The following EXOSC9 variants were observed in gnomAD, a reference collection of about 807,000 sequenced individuals.
EXOSC9 encodes exosome component 9, also known as exosome complex component RRP45.
EXOSC9 carries 38 observed loss-of-function variants against 56.5 expected under a neutral mutation model. That is an observed-to-expected ratio of 0.67 (90% CI 0.52 to 0.88). The LOEUF is 0.88. EXOSC9 is among the 40% of genes least tolerant of loss of function. The pLI is 0.00. For missense variants in EXOSC9, 559 were observed against 530.5 expected (o/e 1.05, Z -0.53); for synonymous variants, 170 against 170.8 (o/e 0.99, Z 0.04).
chr4:121,805,118 T>C (rs1176973927), intron 5 of EXOSC9, among the ~76,000 whole-genome samples: 1 of 152,170 alleles, frequency 6.6e-6, no homozygotes, highest in African/African-American at 2.4e-5. Flanking sequence ...AGGCATGCAA[T>C]AGCTGAAAAG....
chr4:121,803,664 C>G (rs1457707637), intron 4 of EXOSC9, among the ~76,000 whole-genome samples: 1 of 152,120 alleles, frequency 6.6e-6, no homozygotes, highest in Non-Finnish European at 1.5e-5. Flanking sequence ...CTCAGCTTTC[C>G]GAGCAGCTGG....
chr4:121,810,302 T>C (rs1048331471), intron 7 of EXOSC9, among the ~76,000 whole-genome samples: 3 of 152,008 alleles, frequency 2.0e-5, no homozygotes, highest in African/African-American at 7.3e-5. Context: ...ACCTTGGTGC[T>C]CCCGTGTCTG....
intron 10 of EXOSC9, chr4:121,815,445 A>G (rs1724461224): frequency 1.0e-6 from 1 of 985,318 alleles, no homozygotes. Flanking sequence ...TTCCTAAAGC[A>G]TGTGAACAAA....
rs192234821 is a variant in EXOSC9, at chr4:121,811,078, C to A, written c.739-505C>A. Among the ~76,000 whole-genome samples, 10 of 152,282 alleles carry A rather than the reference C, an allele frequency of 6.6e-5. No individual in the cohort carries two copies. In the East Asian group the frequency reaches 1.9e-3, roughly 29 times the overall value. On this transcript the variant is annotated intron_variant, in intron 7 of 11. Transcript: ENST00000243498. ...AATTCTAGTTCTGCCCCCATACTAGCTGATCTTGGGCAAATGATTTTATAT... is the reference window on the plus strand; with the variant it reads ...AATTCTAGTTCTGCCCCCATACTAGATGATCTTGGGCAAATGATTTTATAT...
chr4:121,812,416 T>G (rs991711260), intron 8 of EXOSC9, among the ~76,000 whole-genome samples: 21 of 152,330 alleles, frequency 1.4e-4, no homozygotes, highest in African/African-American at 4.8e-4. Flanking sequence ...ATTTAATGTG[T>G]TTTTAGAAAA....
intron 6 of EXOSC9, 188 bp from the exon 7 acceptor site, chr4:121,809,779 G>A (rs1001262839): frequency 1.0e-5 from 6 of 602,816 alleles, no homozygotes; most frequent in East Asian, 5.6e-5. Flanking sequence ...TACCCACTTA[G>A]CATTCATTTG....
At chr4:121,802,432 ATC>A (rs1458498023) in intron 2 of EXOSC9, among the ~76,000 whole-genome samples, 1 of 152,224 alleles carries the variant, frequency 6.6e-6, no homozygotes, top group Non-Finnish European at 1.5e-5. Flanking sequence ...TTTTAAAACA[ATC>A]TGTGGAATAG....
At chr4:121,815,710 T>C in intron 10 of EXOSC9, 6 of 986,518 alleles carry the variant, frequency 6.1e-6, no homozygotes, top group Non-Finnish European at 7.2e-6. Flanking sequence ...GCCAAAGGTA[T>C]ATGGGAAATG....
At chr4:121,805,576 A>ACAGTAGAGGTAATATTCTTT (rs1726993868) in intron 5 of EXOSC9, among the ~76,000 whole-genome samples, 2 of 152,194 alleles carry the variant, frequency 1.3e-5, no homozygotes, top group East Asian at 1.9e-4. Flanking sequence ...AGGTTTATTA[A>ACAGTAGAGGTAATATTCTTT]CAGTAGAGGT....
intron 11 of EXOSC9, 50 bp downstream of exon 11, chr4:121,816,497 T>C (rs572070376): frequency 5.0e-5 from 60 of 1,208,430 alleles, no homozygotes; most frequent in South Asian, 2.4e-4. Context: ...TCAACACTTA[T>C]AGAGGTTTGC....
chr4:121,813,849 T>G lies in EXOSC9; in HGVS notation c.975-17T>G. On this transcript the variant is annotated splice_polypyrimidine_tract_variant and intron_variant, in intron 9 of 11. Coordinates refer to ENST00000243498, the MANE Select transcript of EXOSC9 (RefSeq NM_005033.3). ...AATAGCAATATTTTTGTTACTCAGTTTTCTTAACTTGTTAAGTGTTTCTAC... is the reference window on the plus strand; with the variant it reads ...AATAGCAATATTTTTGTTACTCAGTGTTCTTAACTTGTTAAGTGTTTCTAC... The G allele has an allele frequency of 6.4e-7, 1 of 1,572,642 alleles. No homozygotes were observed. The highest frequency in any genetic ancestry group is 2.2e-5 in the East Asian group (1 of 44,502).
chr4:121,807,831 C>T, intron 6 of EXOSC9: 1 of 581,436 alleles, frequency 1.7e-6, no homozygotes, highest in South Asian at 2.2e-5. Context: ...AAGATACTTC[C>T]CAACATTTTT....
intron 3 of EXOSC9, 21 bp from the exon 4 acceptor site, chr4:121,802,894 A>G (rs1022410400): frequency 1.2e-6 from 2 of 1,611,274 alleles, no homozygotes; most frequent in Non-Finnish European, 1.7e-6. Context: ...ACATTAGCCC[A>G]TTCCTATTTT....
rs754737258 is a variant in EXOSC9 at position 121,801,862 on chromosome 4, C to T, written c.102C>T (p.Asn34=). 6.2e-6 allele frequency: 10 copies of T among 1,613,834 alleles called. No homozygotes were observed. The highest frequency in any genetic ancestry group is 5.3e-5 in the African/African-American group (4 of 74,908). ...GCAGACAAACCTATGATTATAGGAA[C>T]ATCAGGATCTCATTTGGAACAGATT... ...LDGRQTYDYR[N]IRISFGTDYG... is the part of the protein sequence containing the mutation. The change falls in exon 2 of 12, where the codon AAC becomes AAT. Residue 34 remains asparagine, a synonymous_variant. Coordinates refer to ENST00000243498, the MANE Select transcript of EXOSC9 (RefSeq NM_005033.3).
At chr4:121,810,681 T>C (rs1435672334) in intron 7 of EXOSC9, among the ~76,000 whole-genome samples, 1 of 151,836 alleles carries the variant, frequency 6.6e-6, no homozygotes, top group African/African-American at 2.4e-5. Context: ...AAATTCCATC[T>C]GAAAAAATAA....
rs767316185 is a variant in EXOSC9, at chr4:121,816,876, G to A, written c.*20G>A. On this transcript the variant is annotated 3_prime_UTR_variant, in exon 12 of 12. Transcript: ENST00000243498. Reference sequence around the variant, plus strand: ...AATTAAAGCTAACAGTTGTATATCTGTATATATAACTATTAAAAGGGATAT... The same window carrying A: ...AATTAAAGCTAACAGTTGTATATCTATATATATAACTATTAAAAGGGATAT... The A allele has an allele frequency of 6.5e-7, 1 of 1,530,542 alleles. No homozygotes were observed. The highest frequency in any genetic ancestry group is 8.8e-7 in the Non-Finnish European group (1 of 1,133,166). The allele number at this position is 1,530,542 out of a possible 1,614,324, so 94.8% of individuals were successfully genotyped here.
intron 8 of EXOSC9, 113 bp downstream of exon 8, chr4:121,811,784 G>A (rs1032889753): frequency 4.7e-5 from 23 of 491,926 alleles, no homozygotes; most frequent in Non-Finnish European, 3.6e-5. Flanking sequence ...CACATACAAA[G>A]TTAGAATGGC....
intron 5 of EXOSC9, among the ~76,000 whole-genome samples, chr4:121,806,470 A>G (rs1222295545): frequency 1.3e-5 from 2 of 151,768 alleles, no homozygotes; most frequent in African/African-American, 4.8e-5. Context: ...ACAAACTGCA[A>G]TGGCTTAAAA....
At position 121,801,861 on chromosome 4, in the gene EXOSC9, A is replaced by G; in HGVS notation, c.101A>G (p.Asn34Ser). 6.2e-7 allele frequency: 1 copy of G among 1,614,052 alleles called. No individual in the cohort carries two copies. The highest frequency in any genetic ancestry group is 8.5e-7 in the Non-Finnish European group (1 of 1,179,888). ...GGCAGACAAACCTATGATTATAGGA[A>G]CATCAGGATCTCATTTGGAACAGAT... ...LDGRQTYDYR[N>S]IRISFGTDYG... Residue 34 changes from asparagine to serine, a missense_variant, in exon 2 of 12, where the codon AAC (asparagine) becomes AGC (serine). Coordinates refer to ENST00000243498, the MANE Select transcript of EXOSC9 (RefSeq NM_005033.3).
Sources: gnomAD v4.1 joint callset for allele counts (sites outside exome capture counted in the v4.1 genomes callset) on GRCh38, gnomAD v4.1.1 for gene constraint, MANE v1.5 for transcripts, NCBI Gene and HGNC (gene_info 2026-07-23, HGNC 2026-07-21) for gene names.